GNAQ: variants seen among roughly 807,000 people sequenced by gnomAD.
The protein encoded by GNAQ is guanine nucleotide-binding protein G(q) subunit alpha.
GNAQ carries 8 observed loss-of-function variants against 43.9 expected under a neutral mutation model. The ratio of observed to expected loss-of-function variants is 0.18; its 90% confidence interval spans 0.11 to 0.33. The LOEUF (loss-of-function observed/expected upper bound fraction) is 0.33. GNAQ is among the 10% of genes least tolerant of loss of function. The pLI is 1.00. For missense variants in GNAQ, 158 were observed against 450.8 expected, an observed-to-expected ratio of 0.35 and a Z score of 5.88; for synonymous variants, 155 against 170.7, an observed-to-expected ratio of 0.91 and a Z score of 0.71.
At chr9:77,921,981 A>G (rs1829003259) in intron 2 of GNAQ, among the ~76,000 whole-genome samples, 180 bp downstream of exon 2, 1 of 152,252 alleles carries the variant, frequency 6.6e-6, no homozygotes, top group African/African-American at 2.4e-5. Flanking sequence ...GAGGTTTAAG[A>G]AAAAGACATT....
rs1470938501 is a variant in GNAQ, at chr9:77,866,301, A to AG, written c.322-50532dup. 4.6e-5 allele frequency among the ~76,000 whole-genome samples: 7 copies of AG among 152,284 alleles called. No individual in the cohort carries two copies. In the East Asian group the frequency reaches 1.3e-3, roughly 29 times the overall value. On this transcript the variant is annotated intron_variant, in intron 2 of 6. Coordinates refer to ENST00000286548, the MANE Select transcript of GNAQ (RefSeq NM_002072.5). ...CAGACCAGCCTGGCCAACATGGTGAAGCCCCATCTCTATTAAAATACAAAA... is the reference window on the plus strand; with the variant it reads ...CAGACCAGCCTGGCCAACATGGTGAAGGCCCCATCTCTATTAAAATACAAAA...
At chr9:77,726,778 G>A (rs1171127172) in intron 6 of GNAQ, among the ~76,000 whole-genome samples, 1 of 152,170 alleles carries the variant, frequency 6.6e-6, no homozygotes, top group African/African-American at 2.4e-5. Context: ...GGGATAAACT[G>A]AGTAGCTAAA....
chr9:77,854,587 G>A (rs538472557), intron 2 of GNAQ, among the ~76,000 whole-genome samples: 1 of 152,282 alleles, frequency 6.6e-6, no homozygotes, highest in South Asian at 2.1e-4. Context: ...ATGTACAAAT[G>A]CCTTATTTTC....
chr9:78,015,799 T>C (rs1823831548), intron 1 of GNAQ, among the ~76,000 whole-genome samples: 1 of 152,040 alleles, frequency 6.6e-6, no homozygotes, highest in Admixed American at 6.6e-5. Context: ...TTTTAGAATA[T>C]CTGTAAAAGG....
intron 1 of GNAQ, among the ~76,000 whole-genome samples, chr9:77,983,277 T>C (rs181441308): frequency 2.0e-5 from 3 of 152,222 alleles, no homozygotes; most frequent in Non-Finnish European, 4.4e-5. Flanking sequence ...CATGCTTTCA[T>C]AGAAAGCAAC....
At chr9:77,894,007 C>A (rs1828446878) in intron 2 of GNAQ, among the ~76,000 whole-genome samples, 1 of 152,020 alleles carries the variant, frequency 6.6e-6, no homozygotes, top group African/African-American at 2.4e-5. Flanking sequence ...TCCGGCATAC[C>A]AGGCACTGCT....
At chr9:77,745,570 CA>C (rs1016669605) in intron 5 of GNAQ, among the ~76,000 whole-genome samples, 16 of 146,092 alleles carry the variant, frequency 1.1e-4, no homozygotes, top group South Asian at 2.2e-4. Context: ...CTTAGGATTT[CA>C]AAAAAAAAAT....
At chr9:77,784,516 A>C (rs1230729093) in intron 5 of GNAQ, among the ~76,000 whole-genome samples, 1 of 152,212 alleles carries the variant, frequency 6.6e-6, no homozygotes, top group African/African-American at 2.4e-5. Flanking sequence ...TAAAACGTGA[A>C]ACTATGCAGA....
intron 1 of GNAQ, among the ~76,000 whole-genome samples, chr9:78,004,198 A>C (rs1274854473): frequency 6.6e-6 from 1 of 151,192 alleles, no homozygotes; most frequent in East Asian, 1.9e-4. Context: ...GACCATCCAA[A>C]GTTGGTATAT....
At chr9:77,904,215 T>TAA (rs1180367167) in intron 2 of GNAQ, among the ~76,000 whole-genome samples, 3 of 152,060 alleles carry the variant, frequency 2.0e-5, no homozygotes. Context: ...TTGGCATACT[T>TAA]ACACTTTTAG....
chr9:77,983,101 C>T (rs1823388984), intron 1 of GNAQ, among the ~76,000 whole-genome samples: 5 of 152,176 alleles, frequency 3.3e-5, no homozygotes, highest in Non-Finnish European at 4.4e-5. Flanking sequence ...ACCCAGAATT[C>T]TGCTGTACTG....
chr9:77,895,051 A>T (rs1828476511), intron 2 of GNAQ, among the ~76,000 whole-genome samples: 1 of 151,164 alleles, frequency 6.6e-6, no homozygotes, highest in Non-Finnish European at 1.5e-5. Context: ...AAAAAAAATT[A>T]GTTGGGCGTG....
chr9:77,760,836 G>A (rs901425508), intron 5 of GNAQ, among the ~76,000 whole-genome samples: 2 of 150,456 alleles, frequency 1.3e-5, no homozygotes, highest in Non-Finnish European at 3.0e-5. Context: ...CGTCTGAGAT[G>A]TGGGGAGTGC....
chr9:77,786,147 G>A lies in GNAQ; in HGVS notation c.735+8316C>T, dbSNP rs540984127. On this transcript the variant is annotated intron_variant, in intron 5 of 6. Transcript: ENST00000286548. The stretch of plus-strand genomic sequence containing the variant: ...AATCCCAGCACTTTGGGAGGCTGAG[G>A]CGGGCAGATCGCGAGGTCATGAGAT... Among the ~76,000 whole-genome samples, 68 of 152,196 alleles carry A rather than the reference G, an allele frequency of 4.5e-4. 2 individuals carry two copies. The South Asian group carries it at 0.014, about 31-fold the overall frequency.
At chr9:77,833,843 C>T (rs1827340232) in intron 2 of GNAQ, among the ~76,000 whole-genome samples, 1 of 152,128 alleles carries the variant, frequency 6.6e-6, no homozygotes, top group Non-Finnish European at 1.5e-5. Context: ...CAAGAAGAAG[C>T]TGATCCAATA....
intron 1 of GNAQ, among the ~76,000 whole-genome samples, chr9:77,973,853 C>T (rs4745680): frequency 0.071 from 10,728 of 152,018 alleles, 472 homozygotes; most frequent in South Asian, 0.11. Flanking sequence ...TCTTCATGTT[C>T]AATCTTAGAG....
intron 5 of GNAQ, among the ~76,000 whole-genome samples, chr9:77,734,366 T>A (rs1825540173): frequency 6.6e-6 from 1 of 152,184 alleles, no homozygotes; most frequent in South Asian, 2.1e-4. Flanking sequence ...CCGGGTGGTA[T>A]TTTTTTCTCC....
chr9:77,794,712 AG>A (rs1192703830), intron 4 of GNAQ, 120 bp from the exon 5 acceptor site: 2 of 542,718 alleles, frequency 3.7e-6, no homozygotes, highest in East Asian at 6.1e-5. Flanking sequence ...TGATCATCCA[AG>A]TCAATTCAAT....
chr9:77,782,328 C>A (rs375862977), intron 5 of GNAQ, among the ~76,000 whole-genome samples: 1 of 152,098 alleles, frequency 6.6e-6, no homozygotes, highest in Non-Finnish European at 1.5e-5. Flanking sequence ...TTCTAATGTG[C>A]CAAAGACTTG....
Sources: gnomAD v4.1 joint callset for allele counts (sites outside exome capture counted in the v4.1 genomes callset) on GRCh38, gnomAD v4.1.1 for gene constraint, MANE v1.5 for transcripts, NCBI Gene and HGNC (gene_info 2026-07-23, HGNC 2026-07-21) for gene names.